BTBD9: variants seen among roughly 807,000 people sequenced by gnomAD.
BTBD9 encodes the protein BTB/POZ domain-containing protein 9.
Under a neutral mutation model 64.3 loss-of-function variants are expected in BTBD9, and 49 were observed. The ratio of observed to expected loss-of-function variants is 0.76; its 90% CI spans 0.61 to 0.97. BTBD9 has a LOEUF of 0.97. Ranked by LOEUF, BTBD9 falls within the 50% of genes least tolerant of loss-of-function variation. The pLI is 0.00. For missense variants in BTBD9, 598 were observed against 762.1 expected (o/e 0.78, Z 2.53); for synonymous variants, 260 against 274.7 (o/e 0.95, Z 0.53).
intron 6 of BTBD9, among the ~76,000 whole-genome samples, chr6:38,447,886 A>T (rs1769348765): frequency 6.6e-6 from 1 of 152,204 alleles, no homozygotes; most frequent in African/African-American, 2.4e-5. Context: ...AAGTAAATTA[A>T]AGTTTTAGTC....
intron 6 of BTBD9, among the ~76,000 whole-genome samples, chr6:38,519,315 T>C (rs1773184312): frequency 6.6e-6 from 1 of 152,230 alleles, no homozygotes; most frequent in African/African-American, 2.4e-5. Context: ...TTTGTAAATT[T>C]TGTATCAAAA....
intron 6 of BTBD9, among the ~76,000 whole-genome samples, chr6:38,359,745 T>C (rs1764877411): frequency 6.6e-6 from 1 of 152,136 alleles, no homozygotes; most frequent in Non-Finnish European, 1.5e-5. Context: ...AATTTTTCTA[T>C]TTATGAGCAG....
intron 6 of BTBD9, among the ~76,000 whole-genome samples, chr6:38,477,042 G>A (rs1053256583): frequency 6.6e-6 from 1 of 152,188 alleles, no homozygotes; most frequent in African/African-American, 2.4e-5. Context: ...GGGATGGGTG[G>A]GGTTCTGAAG....
intron 6 of BTBD9, among the ~76,000 whole-genome samples, chr6:38,416,966 T>C (rs1440781154): frequency 6.6e-6 from 1 of 152,192 alleles, no homozygotes; most frequent in East Asian, 1.9e-4. Context: ...AGACCGAGTC[T>C]TGCCCTGTTG....
At chr6:38,295,293 T>G (rs1762117660) in intron 7 of BTBD9, among the ~76,000 whole-genome samples, 1 of 151,750 alleles carries the variant, frequency 6.6e-6, no homozygotes, top group South Asian at 2.1e-4. Flanking sequence ...GCCTCTCGAG[T>G]AGCTGGAACC....
intron 6 of BTBD9, among the ~76,000 whole-genome samples, chr6:38,538,660 C>T (rs1307756162): frequency 6.6e-6 from 1 of 152,098 alleles, no homozygotes; most frequent in Admixed American, 6.6e-5. Flanking sequence ...CCAGCCTGGG[C>T]GCAGTGGTGC....
chr6:38,217,962 T>TGCTAAG (rs1245392009), intron 9 of BTBD9, among the ~76,000 whole-genome samples: 1 of 152,196 alleles, frequency 6.6e-6, no homozygotes, highest in Non-Finnish European at 1.5e-5. Flanking sequence ...CAGGACCAAC[T>TGCTAAG]GACCCTCCCT....
intron 1 of BTBD9, among the ~76,000 whole-genome samples, chr6:38,616,934 G>A (rs940550755): frequency 2.0e-5 from 3 of 152,122 alleles, no homozygotes; most frequent in African/African-American, 7.2e-5. Context: ...CCACCAGCAG[G>A]AACAAACTCC....
At chr6:38,215,305 T>C (rs761561628) in intron 9 of BTBD9, among the ~76,000 whole-genome samples, 1 of 152,206 alleles carries the variant, frequency 6.6e-6, no homozygotes, top group Non-Finnish European at 1.5e-5. Flanking sequence ...AGAAAGAATA[T>C]TATTTGTGTT....
chr6:38,534,886 A>G (rs1356295469), intron 6 of BTBD9, among the ~76,000 whole-genome samples: 1 of 152,150 alleles, frequency 6.6e-6, no homozygotes, highest in Middle Eastern at 3.2e-3. Context: ...AATAAAAGCG[A>G]TATAAGGCAG....
chr6:38,425,438 A>C (rs1429271909), intron 6 of BTBD9, among the ~76,000 whole-genome samples: 1 of 151,790 alleles, frequency 6.6e-6, no homozygotes, highest in East Asian at 1.9e-4. Context: ...TTATAACACT[A>C]GTGTGACAGT....
In BTBD9 at chr6:38,288,373, G is replaced by C. The variant is rs1761827166; in HGVS notation, c.1353C>G (p.Asp451Glu). 6.2e-7 allele frequency: 1 copy of C among 1,613,956 alleles called. No homozygotes were observed. The highest frequency in any genetic ancestry group is 1.7e-5 in the Admixed American group (1 of 59,974). The change falls in exon 8 of 11, where the codon GAC (aspartate) becomes GAG (glutamate). Residue 451 changes from aspartate (D) to glutamate (E), a missense_variant. By Grantham distance (45) the Asp-to-Glu change is conservative. Transcript: ENST00000481247. ...SRSRNALLNG[D>E]TKNYDWDSGY... is the part of the protein sequence containing the mutation. ...CAGAATCCCAGTCATAATTCTTAGT[G>C]TCCCCATTCAGCAAGGCATTTCGGC... is the stretch of plus-strand genomic sequence containing the variant.
chr6:38,402,865 C>T (rs757166225), intron 6 of BTBD9: 9 of 700,364 alleles, frequency 1.3e-5, no homozygotes, highest in African/African-American at 8.8e-5. Flanking sequence ...CTCAGGAGTT[C>T]GAGACCAGAG....
chr6:38,317,678 T>C (rs1763074280), intron 7 of BTBD9, among the ~76,000 whole-genome samples: 1 of 152,190 alleles, frequency 6.6e-6, no homozygotes, highest in African/African-American at 2.4e-5. Flanking sequence ...TTCTTTCTTC[T>C]TTTTTATCCT....
chr6:38,305,602 C>G (rs1345214171), intron 7 of BTBD9, among the ~76,000 whole-genome samples: 1 of 152,194 alleles, frequency 6.6e-6, no homozygotes, highest in Non-Finnish European at 1.5e-5. Context: ...CCTGCTCAGC[C>G]TCCCGAGTAG....
intron 6 of BTBD9, among the ~76,000 whole-genome samples, chr6:38,438,397 T>A (rs144759488): frequency 3.3e-5 from 5 of 152,196 alleles, no homozygotes; most frequent in African/African-American, 7.2e-5. Context: ...AGGTGCAGAG[T>A]ATAGCTGATA....
chr6:38,374,289 ATATATATGTATATATATG>A lies in BTBD9; in HGVS notation c.1155-29214_1155-29197del, dbSNP rs1322570179. ...GTGTCGAAAAAAAAAAAAAGTATAT[ATATATATGTATATATATG>A]TATATATATATATATATATGTATAT... On this transcript the variant is annotated intron_variant, in intron 6 of 10. Coordinates refer to ENST00000481247, the MANE Select transcript of BTBD9 (RefSeq NM_001099272.2). Among the ~76,000 whole-genome samples the A allele has an allele frequency of 2.6e-4, 18 of 69,764 alleles. 1 individual carries two copies. The highest frequency in any genetic ancestry group is 1.5e-3 in the African/African-American group (13 of 8,544). The allele number at this position is 69,764 out of a possible 152,430, so 45.8% of individuals were successfully genotyped here.
chr6:38,567,794 C>T (rs1775587322), intron 6 of BTBD9, among the ~76,000 whole-genome samples: 1 of 152,158 alleles, frequency 6.6e-6, no homozygotes, highest in South Asian at 2.1e-4. Context: ...GATGATTTTA[C>T]TAACCGTGGG....
chr6:38,578,122 AG>A (rs763779491), intron 5 of BTBD9, among the ~76,000 whole-genome samples: 3 of 152,304 alleles, frequency 2.0e-5, no homozygotes, highest in Non-Finnish European at 4.4e-5. Context: ...ATGGAGAAGC[AG>A]GAAGTATGCT....
Sources: gnomAD v4.1 joint callset for allele counts (sites outside exome capture counted in the v4.1 genomes callset) on GRCh38, gnomAD v4.1.1 for gene constraint, MANE v1.5 for transcripts, NCBI Gene and HGNC (gene_info 2026-07-23, HGNC 2026-07-21) for gene names.